Variants in ZNF333 observed in about 807,000 individuals in gnomAD.
ZNF333 encodes zinc finger protein 333.
In ZNF333, 61 loss-of-function variants were observed where a neutral mutation model predicts 76.1. That is an observed-to-expected ratio of 0.80 (90% CI 0.65 to 0.99). ZNF333 has a LOEUF of 0.99. Among genes scored for constraint, ZNF333 ranks in the 50% least tolerant of loss-of-function variants. ZNF333 has a pLI of 0.00. For missense variants in ZNF333, 717 were observed against 822.4 expected (o/e 0.87, Z 1.57); for synonymous variants, 284 against 305.0 (o/e 0.93, Z 0.72).
chr19:14,716,361 T>C, intron 9 of ZNF333, 123 bp downstream of exon 9: 1 of 1,150,308 alleles, frequency 8.7e-7, no homozygotes, highest in Non-Finnish European at 1.2e-6. Flanking sequence ...TGGGCTCAGG[T>C]GATCCTCCCA....
chr19:14,694,737 TTAAAAGAAAG>T (rs1044126019), intron 2 of ZNF333, among the ~76,000 whole-genome samples: 13 of 131,792 alleles, frequency 9.9e-5, no homozygotes, highest in African/African-American at 3.6e-4. Context: ...TATCCAAATG[TTAAAAGAAAG>T]TAAACATTTC....
intron 9 of ZNF333, among the ~76,000 whole-genome samples, chr19:14,716,501 C>G (rs1354223357): frequency 6.6e-6 from 1 of 152,158 alleles, no homozygotes; most frequent in African/African-American, 2.4e-5. Flanking sequence ...TCAAGTGATT[C>G]ACCTGCCTCA....
At chr19:14,695,443 G>T in intron 3 of ZNF333, 123 bp from the exon 4 acceptor site, 1 of 981,084 alleles carries the variant, frequency 1.0e-6, no homozygotes, top group East Asian at 2.6e-5. Context: ...CATCACACTT[G>T]CTCAGCCCAG....
chr19:14,693,374 A>C (rs1972915874), intron 1 of ZNF333, 77 bp from the exon 2 acceptor site: 1 of 1,154,514 alleles, frequency 8.7e-7, no homozygotes, highest in Non-Finnish European at 1.2e-6. Flanking sequence ...GATTGTGACC[A>C]CTCTGCTGGA....
downstream of ZNF333, among the ~76,000 whole-genome samples, chr19:14,724,542 G>A (rs1419855303): frequency 6.6e-6 from 1 of 152,192 alleles, no homozygotes; most frequent in Non-Finnish European, 1.5e-5. Flanking sequence ...GAGGCGGGTG[G>A]ATCACCTGAG....
intron 4 of ZNF333, among the ~76,000 whole-genome samples, chr19:14,698,418 G>C (rs1401945533): frequency 2.7e-5 from 4 of 148,782 alleles, no homozygotes; most frequent in Non-Finnish European, 5.9e-5. Context: ...GGTGGTGCAT[G>C]CCTGTAATCC....
intron 5 of ZNF333, among the ~76,000 whole-genome samples, chr19:14,702,413 G>A (rs1050674897): frequency 6.6e-6 from 1 of 152,222 alleles, no homozygotes; most frequent in African/African-American, 2.4e-5. Flanking sequence ...TCAGCTACTT[G>A]GGAGGCTAAG....
At chr19:14,694,302 G>T (rs571951717) in intron 2 of ZNF333, among the ~76,000 whole-genome samples, 15 of 152,158 alleles carry the variant, frequency 9.9e-5, no homozygotes, top group Non-Finnish European at 2.2e-4. Context: ...GTGAAACTCT[G>T]TCTCTACTAA....
rs1419054672 is a variant in ZNF333, at chr19:14,719,365, T to C, written c.*40T>C. On this transcript the variant is annotated 3_prime_UTR_variant, in exon 12 of 12. Transcript: ENST00000292530. ...AAATATAAACACATGGGGCTATGACTTTCCCTCGTAATACTCCTTTAGCTG... is the reference window on the plus strand; with the variant it reads ...AAATATAAACACATGGGGCTATGACCTTCCCTCGTAATACTCCTTTAGCTG... 5 of 1,538,632 alleles carry C rather than the reference T, an allele frequency of 3.2e-6. No individual in the cohort carries two copies. Among genetic ancestry groups the C allele is most frequent in the African/African-American group, 1.4e-5 (1 of 72,536 alleles).
intron 7 of ZNF333, among the ~76,000 whole-genome samples, chr19:14,710,148 G>A (rs2042233913): frequency 6.6e-6 from 1 of 152,218 alleles, no homozygotes; most frequent in Non-Finnish European, 1.5e-5. Flanking sequence ...AGATTGTTCA[G>A]GGCTTGGAAG....
chr19:14,708,003 T>C (rs2042165088), intron 7 of ZNF333: 3 of 400,516 alleles, frequency 7.5e-6, no homozygotes, highest in Non-Finnish European at 1.3e-5. Flanking sequence ...TGTTACTTCT[T>C]CTTTTTTTAT....
chr19:14,691,662 T>C (rs1972781761), intron 1 of ZNF333, among the ~76,000 whole-genome samples: 1 of 148,978 alleles, frequency 6.7e-6, no homozygotes, highest in African/African-American at 2.5e-5. Flanking sequence ...TTGATTTTTA[T>C]GGTGTCATAT....
downstream of ZNF333, among the ~76,000 whole-genome samples, chr19:14,726,478 A>G (rs1256467875): frequency 1.3e-5 from 2 of 152,028 alleles, no homozygotes; most frequent in African/African-American, 2.4e-5. Flanking sequence ...TCTTTACCGC[A>G]TGGCCAGGTT....
chr19:14,726,095 G>A (rs780348018), downstream of ZNF333, among the ~76,000 whole-genome samples: 5 of 152,170 alleles, frequency 3.3e-5, no homozygotes, highest in Non-Finnish European at 4.4e-5. Flanking sequence ...TGCAATCTGA[G>A]CATCTGCAGG....
At chr19:14,715,100 T>C in intron 7 of ZNF333, 1 of 362,348 alleles carries the variant, frequency 2.8e-6, no homozygotes, top group Non-Finnish European at 5.3e-6. Flanking sequence ...TCTGTGTGTA[T>C]ATGTTATATA....
chr19:14,705,982 C>T (rs10410458), intron 6 of ZNF333: 25,015 of 403,530 alleles, frequency 0.062, 1,221 homozygotes, highest in African/African-American at 0.17. Context: ...TCTTCCCACT[C>T]GTCCCTGCCC....
In ZNF333 at chr19:14,715,448, G is replaced by A. The variant is rs1161882830; in HGVS notation, c.578G>A (p.Gly193Glu). 6.2e-7 allele frequency: 1 copy of A among 1,613,882 alleles called. No individual in the cohort carries two copies. The highest frequency in any genetic ancestry group is 2.2e-5 in the East Asian group (1 of 44,888). Residue 193 changes from glycine (G) to glutamate (E), a missense_variant, in exon 8 of 12, where the codon GGG becomes GAG. By Grantham distance (98) the Gly-to-Glu change is moderately conservative. Coordinates refer to ENST00000292530, the MANE Select transcript of ZNF333 (RefSeq NM_032433.4). ...GTGGAGGAAGAAGCTATGGCTCCTG[G>A]GCTGCCAACCGCCTGTTCACAGGTA... ...DKVEEEAMAP[G>E]LPTACSQEPV...
intron 5 of ZNF333, among the ~76,000 whole-genome samples, chr19:14,701,426 A>T (rs1258314379): frequency 6.6e-6 from 1 of 152,076 alleles, no homozygotes; most frequent in Admixed American, 6.6e-5. Context: ...ATTGTTTTGG[A>T]GACGAAGTCT....
chr19:14,731,353 C>T, exon 12 of ZNF333: 2 of 667,508 alleles, frequency 3.0e-6, no homozygotes. Flanking sequence ...TCCGTGACAT[C>T]CGGGCTCCTT....
Sources: allele counts gnomAD v4.1 joint callset (sites outside exome capture counted in the v4.1 genomes callset), GRCh38; gene constraint gnomAD v4.1.1; transcripts MANE v1.5; gene names NCBI Gene and HGNC (gene_info 2026-07-23, HGNC 2026-07-21).